Variants in HACD2 observed in about 807,000 individuals in gnomAD.
HACD2 encodes the protein very-long-chain (3R)-3-hydroxyacyl-CoA dehydratase 2.
In HACD2, 15 loss-of-function variants were observed where a neutral mutation model predicts 31.0. The ratio of observed to expected loss-of-function variants is 0.48; its 90% confidence interval spans 0.32 to 0.75. HACD2 has a LOEUF of 0.75. Ranked by LOEUF, HACD2 falls within the 30% of genes least tolerant of loss-of-function variation. HACD2 has a pLI of 0.03. For missense variants in HACD2, 283 were observed against 313.0 expected, an observed-to-expected ratio of 0.90 and a Z score of 0.72; for synonymous variants, 115 against 122.2, an observed-to-expected ratio of 0.94 and a Z score of 0.39.
chr3:123,512,472 CA>C lies in HACD2; in HGVS notation c.382-9792del, dbSNP rs561172851. Among the ~76,000 whole-genome samples, 140 of 152,190 alleles carry C rather than the reference CA, an allele frequency of 9.2e-4. 1 individual carries two copies. The highest frequency in any genetic ancestry group is 6.3e-3 in the Admixed American group (97 of 15,292). On this transcript the variant is annotated intron_variant, in intron 4 of 6. Transcript: ENST00000383657. ...GGACACAGTATGGTGGCTGAAAACT[CA>C]AGGTGGTGAGGACATGGAAAGGTGA...
intron 4 of HACD2, among the ~76,000 whole-genome samples, chr3:123,525,874 T>A (rs773522466): frequency 2.6e-5 from 4 of 152,152 alleles, no homozygotes; most frequent in Non-Finnish European, 4.4e-5. Context: ...GTAAGCAGAG[T>A]TGAATATTAA....
rs1045929992 is a variant in HACD2, at chr3:123,493,183, T to G, written c.*1705A>C. 2 of 152,028 alleles carry G rather than the reference T, an allele frequency of 1.3e-5. No individual in the cohort carries two copies. Among genetic ancestry groups the G allele is most frequent in the African/African-American group, 4.8e-5 (2 of 41,392 alleles). 9.4% of individuals were successfully genotyped at this position (152,028 alleles called of 1,614,324 possible). ...TCCTGGCTAACACGGTGAAACCCCG[T>G]CTCTACTAAAAATACAAAAAAAATT... On this transcript the variant is annotated 3_prime_UTR_variant, in exon 7 of 7. Coordinates refer to ENST00000383657, the MANE Select transcript of HACD2 (RefSeq NM_198402.5).
At chr3:123,575,873 A>C (rs1315987820) in intron 2 of HACD2, among the ~76,000 whole-genome samples, 2 of 152,194 alleles carry the variant, frequency 1.3e-5, no homozygotes, top group African/African-American at 2.4e-5. Flanking sequence ...GGAACACCAT[A>C]AACTCTCACT....
intron 2 of HACD2, among the ~76,000 whole-genome samples, chr3:123,576,017 T>A (rs548360743): frequency 1.3e-5 from 2 of 152,312 alleles, no homozygotes. Flanking sequence ...TACAACCTCA[T>A]CAGGTTTTCT....
intron 3 of HACD2, among the ~76,000 whole-genome samples, chr3:123,560,430 G>A (rs1478451010): frequency 1.3e-5 from 2 of 152,102 alleles, no homozygotes; most frequent in Non-Finnish European, 1.5e-5. Flanking sequence ...TCCTACCCAG[G>A]CCTCCAATCT....
intron 5 of HACD2, among the ~76,000 whole-genome samples, chr3:123,501,146 T>C (rs1013959447): frequency 2.0e-5 from 3 of 151,894 alleles, no homozygotes; most frequent in African/African-American, 7.3e-5. Flanking sequence ...ACAAAAAAAA[T>C]AGCATAAGCA....
chr3:123,560,704 T>C (rs1021188638), intron 3 of HACD2, among the ~76,000 whole-genome samples: 1 of 152,212 alleles, frequency 6.6e-6, no homozygotes, highest in African/African-American at 2.4e-5. Flanking sequence ...GAGTTAGAGC[T>C]TTGGATTAGA....
intron 3 of HACD2, among the ~76,000 whole-genome samples, chr3:123,532,251 T>TA (rs1386622774): frequency 2.6e-5 from 4 of 152,184 alleles, no homozygotes; most frequent in African/African-American, 9.6e-5. Flanking sequence ...CTCGCCTACT[T>TA]AGACACCTTA....
At chr3:123,526,891 C>A (rs982284558) in intron 4 of HACD2, among the ~76,000 whole-genome samples, 3 of 152,212 alleles carry the variant, frequency 2.0e-5, no homozygotes, top group Non-Finnish European at 4.4e-5. Context: ...GCATTTTTGA[C>A]GTACCTGTCT....
rs1227391160 is a variant in HACD2 at position 123,493,192 on chromosome 3, A to C, written c.*1696T>G. On this transcript the variant is annotated 3_prime_UTR_variant, in exon 7 of 7. Transcript: ENST00000383657. Reference sequence around the variant, plus strand: ...ACACGGTGAAACCCCGTCTCTACTAAAAATACAAAAAAAATTAGCTGGGTG... The same window carrying C: ...ACACGGTGAAACCCCGTCTCTACTACAAATACAAAAAAAATTAGCTGGGTG... 2 of 152,172 alleles carry C rather than the reference A, an allele frequency of 1.3e-5. No homozygotes were observed. Among genetic ancestry groups the C allele is most frequent in the African/African-American group, 4.8e-5 (2 of 41,438 alleles). The allele number at this position is 152,172 out of a possible 1,614,324, so 9.4% of individuals were successfully genotyped here.
chr3:123,537,578 T>TACACACACACACACACAC lies in HACD2; in HGVS notation c.293-9105_293-9104insGTGTGTGTGTGTGTGTGT, dbSNP rs201885124. Among the ~76,000 whole-genome samples, 109 of 144,394 alleles carry TACACACACACACACACAC rather than the reference T, an allele frequency of 7.5e-4. 1 individual carries two copies. Among genetic ancestry groups the TACACACACACACACACAC allele is most frequent in the Middle Eastern group, 3.6e-3 (1 of 280 alleles). The allele number at this position is 144,394 out of a possible 152,430, so 94.7% of individuals were successfully genotyped here. A position where few individuals can be genotyped will look rare whatever the true frequency, so the allele number is the denominator to read the frequency against. On this transcript the variant is annotated intron_variant, in intron 3 of 6. Transcript: ENST00000383657. ...GACCCTATCTCAAAACAACAACAAA[T>TACACACACACACACACAC]ACACATACACACACACACACACACA...
chr3:123,561,655 A>G (rs1016416767), intron 3 of HACD2, among the ~76,000 whole-genome samples: 6 of 152,090 alleles, frequency 3.9e-5, no homozygotes, highest in African/African-American at 1.2e-4. Flanking sequence ...CATAGCCCCC[A>G]TGCCTCTTCC....
chr3:123,500,410 G>A, intron 6 of HACD2, 105 bp downstream of exon 6: 1 of 738,438 alleles, frequency 1.4e-6, no homozygotes. Context: ...CAATAAATGA[G>A]ATTTACATTT....
At chr3:123,554,329 T>G (rs1243081128) in intron 3 of HACD2, among the ~76,000 whole-genome samples, 1 of 151,708 alleles carries the variant, frequency 6.6e-6, no homozygotes, top group Non-Finnish European at 1.5e-5. Context: ...TAAGGGCATT[T>G]AAAAAGATAT....
At chr3:123,573,884 C>A (rs1363315403) in intron 2 of HACD2, among the ~76,000 whole-genome samples, 1 of 152,090 alleles carries the variant, frequency 6.6e-6, no homozygotes, top group Non-Finnish European at 1.5e-5. Context: ...CTATAATTTA[C>A]TAATTCATTA....
intron 3 of HACD2, among the ~76,000 whole-genome samples, chr3:123,557,340 G>T (rs2056683483): frequency 6.6e-6 from 1 of 152,144 alleles, no homozygotes; most frequent in Non-Finnish European, 1.5e-5. Flanking sequence ...TGGAAAAAAT[G>T]TCTTTCACGA....
At chr3:123,563,885 T>C (rs866613827) in intron 3 of HACD2, among the ~76,000 whole-genome samples, 8 of 152,166 alleles carry the variant, frequency 5.3e-5, no homozygotes, top group East Asian at 1.9e-4. Flanking sequence ...ATTTAAGAAA[T>C]GGTGGCTCAT....
chr3:123,565,212 T>C (rs1273836307), intron 3 of HACD2, among the ~76,000 whole-genome samples: 2 of 152,100 alleles, frequency 1.3e-5, no homozygotes, highest in African/African-American at 4.8e-5. Context: ...TAAAGACATA[T>C]AAGGGTATAT....
rs2055768046 is a variant in HACD2 at position 123,491,905 on chromosome 3, C to T, written c.*2983G>A. The T allele has an allele frequency of 6.6e-6, 1 of 152,226 alleles. No individual in the cohort carries two copies. The highest frequency in any genetic ancestry group is 1.5e-5 in the Non-Finnish European group (1 of 68,008). 9.4% of individuals were successfully genotyped at this position (152,226 alleles called of 1,614,324 possible). On this transcript the variant is annotated 3_prime_UTR_variant, in exon 7 of 7. Coordinates refer to ENST00000383657, the MANE Select transcript of HACD2 (RefSeq NM_198402.5). ...ATGTTTTATCTGAAACTCAGAACTG[C>T]AAGTAATTTGCAGGTTGTACCATAT...
Sources: allele counts gnomAD v4.1 joint callset (sites outside exome capture counted in the v4.1 genomes callset), GRCh38; gene constraint gnomAD v4.1.1; transcripts MANE v1.5; gene names NCBI Gene and HGNC (gene_info 2026-07-23, HGNC 2026-07-21).